EOGT: variants seen among roughly 807,000 people sequenced by gnomAD.
The protein encoded by EOGT is EGF domain specific O-linked N-acetylglucosamine transferase, also known as EGF domain-specific O-linked N-acetylglucosamine transferase.
A neutral mutation model predicts 70.5 loss-of-function variants in EOGT; 55 were observed. That is an observed-to-expected ratio of 0.78 (90% CI 0.63 to 0.98). The LOEUF (loss-of-function observed/expected upper bound fraction) is 0.98, where lower values mean the gene tolerates loss of function less well. Among genes scored for constraint, EOGT ranks in the 50% least tolerant of loss-of-function variants. EOGT has a pLI of 0.00. For synonymous variants in EOGT, 246 were observed against 217.1 expected, an observed-to-expected ratio of 1.13 and a Z score of -1.17; for missense variants, 703 against 641.9, an observed-to-expected ratio of 1.10 and a Z score of -1.03.
At chr3:69,009,363 C>A (rs540406565) in intron 4 of EOGT, among the ~76,000 whole-genome samples, 4 of 152,296 alleles carry the variant, frequency 2.6e-5, no homozygotes, top group African/African-American at 7.2e-5. Context: ...TTCTTTCCTG[C>A]ATAAAATCTA....
intron 7 of EOGT, 60 bp from the exon 8 acceptor site, chr3:69,004,542 G>C: frequency 9.0e-7 from 1 of 1,114,488 alleles, no homozygotes; most frequent in Non-Finnish European, 1.4e-6. Flanking sequence ...CCAAGCACGT[G>C]GGTTGTAACT....
chr3:68,982,724 G>A, intron 15 of EOGT, 87 bp downstream of exon 15: 1 of 884,730 alleles, frequency 1.1e-6, no homozygotes, highest in South Asian at 1.9e-5. Context: ...AAATGCCAAT[G>A]GCTCCCACTG....
rs1575756275 is a variant in EOGT at position 68,998,136 on chromosome 3, A to G, written c.728-22T>C. ...ACACCTAGTGTTGGAAAATGAAACTACATTAATTAACACCAAAGAGCACAT... is the reference window on the plus strand; with the variant it reads ...ACACCTAGTGTTGGAAAATGAAACTGCATTAATTAACACCAAAGAGCACAT... On this transcript the variant is annotated intron_variant, in intron 9 of 17. Coordinates refer to ENST00000383701, the MANE Select transcript of EOGT (RefSeq NM_001278689.2). 9 of 1,228,362 alleles carry G rather than the reference A, an allele frequency of 7.3e-6. No homozygotes were observed. The East Asian group carries it at 1.4e-4, about 19-fold the overall frequency. 76.1% of individuals were successfully genotyped at this position (1,228,362 alleles called of 1,614,324 possible). A position where few individuals can be genotyped will look rare whatever the true frequency, so the allele number is the denominator to read the frequency against.
chr3:69,005,317 C>T, intron 6 of EOGT, 83 bp from the exon 7 acceptor site: 3 of 698,058 alleles, frequency 4.3e-6, no homozygotes, highest in Non-Finnish European at 7.5e-6. Context: ...ACACTGACAG[C>T]ACGGATACCC....
chr3:69,007,946 T>C (rs866280240), intron 5 of EOGT, 125 bp from the exon 6 acceptor site: 4 of 621,794 alleles, frequency 6.4e-6, no homozygotes, highest in Non-Finnish European at 1.1e-5. Context: ...TATATTATCA[T>C]AGTTTTTCCA....
intron 13 of EOGT, chr3:68,987,964 G>C (rs1245275293): frequency 8.3e-6 from 3 of 361,360 alleles, no homozygotes; most frequent in Non-Finnish European, 1.5e-5. Flanking sequence ...GCCCAGGCGG[G>C]AGTGCAGTGA....
At chr3:68,996,525 G>A (rs867664353) in intron 10 of EOGT, among the ~76,000 whole-genome samples, 19 of 152,202 alleles carry the variant, frequency 1.2e-4, no homozygotes, top group African/African-American at 4.6e-4. Context: ...CTGACTCCTG[G>A]AACCAGGCAT....
At chr3:68,988,693 G>A (rs2090891063) in intron 11 of EOGT, 116 bp from the exon 12 acceptor site, 1 of 685,830 alleles carries the variant, frequency 1.5e-6, no homozygotes, top group Admixed American at 3.0e-5. Context: ...TGCTTGAATA[G>A]CACACTATTT....
At chr3:69,001,865 CT>C in intron 8 of EOGT, 151 bp from the exon 9 acceptor site, 1 of 612,958 alleles carries the variant, frequency 1.6e-6, no homozygotes, top group Non-Finnish European at 2.8e-6. Context: ...AACTTACTGA[CT>C]TTTATATAGG....
chr3:69,007,785 C>G lies in EOGT; in HGVS notation c.348G>C (p.Trp116Cys), dbSNP rs754446969. Residue 116 changes from tryptophan (W) to cysteine (C), a missense_variant, in exon 6 of 18, where the codon TGG becomes TGC. By Grantham distance (215) the Trp-to-Cys change is radical (BLOSUM62 -2). Coordinates refer to ENST00000383701, the MANE Select transcript of EOGT (RefSeq NM_001278689.2). ...TGGCATATCCAAAGTCAGCTTGTTT[C>G]CAAAATATGTCCTCAGCTGACTCAA... The part of the protein sequence containing the change: ...DTLESAEDIF[W>C]KQADFGYARE... 10 of 1,612,900 alleles carry G rather than the reference C, an allele frequency of 6.2e-6. No homozygotes were observed. The highest frequency in any genetic ancestry group is 8.5e-6 in the Non-Finnish European group (10 of 1,179,386).
At position 69,004,467 on chromosome 3, in the gene EOGT, AAAGTCCTCCTTAAATCTGGTATATAAC is replaced by A; in HGVS notation, c.516-12_530del. On this transcript the variant is annotated splice_acceptor_variant and splice_polypyrimidine_tract_variant and coding_sequence_variant and intron_variant, in exon 8 of 18. Transcript: ENST00000383701. LOFTEE classifies it high-confidence loss of function. ...GCCCTCCAATTTCACCACTCTGGAA[AAAGTCCTCCTTAAATCTGGTATATAAC>A]AAAACATTAAGTTAAGTTCAGAAAA... The A allele has an allele frequency of 6.2e-7, 1 of 1,613,536 alleles. No individual in the cohort carries two copies. The highest frequency in any genetic ancestry group is 8.5e-7 in the Non-Finnish European group (1 of 1,179,448).
chr3:69,004,265 C>T (rs773935633), intron 8 of EOGT, 113 bp downstream of exon 8: 7 of 780,678 alleles, frequency 9.0e-6, no homozygotes, highest in Non-Finnish European at 1.5e-5. Flanking sequence ...AAGCTCATGC[C>T]AAATTATGTA....
chr3:68,989,819 G>C (rs1448136699), intron 10 of EOGT, among the ~76,000 whole-genome samples: 4 of 150,372 alleles, frequency 2.7e-5, no homozygotes. Flanking sequence ...GCTCATGCTT[G>C]TAATTCCAGC....
rs369045920 is a variant in EOGT at position 68,977,609 on chromosome 3, T to A, written c.*9A>T. ...AAACACTCTCTTTTTGCAAACAGAC[T>A]CAGCATATTTATAGCTCATCATGTT... On this transcript the variant is annotated 3_prime_UTR_variant, in exon 18 of 18. Transcript: ENST00000383701. The A allele has an allele frequency of 1.9e-6, 3 of 1,613,462 alleles. No homozygotes were observed. The African/African-American group carries it at 4.0e-5, about 22-fold the overall frequency.
In EOGT at chr3:68,988,356, A is replaced by G; in HGVS notation, c.1022T>C (p.Leu341Pro). Residue 341 changes from leucine to proline, a missense_variant, in exon 13 of 18, where the codon CTA (leucine) becomes CCA (proline). Coordinates refer to ENST00000383701, the MANE Select transcript of EOGT (RefSeq NM_001278689.2). The stretch of plus-strand genomic sequence containing the variant: ...TACATGCTGGGCAAATGCCCTGAAT[A>G]GTCCAGTATTTTGACAGCCAGATAT... The part of the protein sequence containing the change: ...PLISGCQNTG[L>P]FRAFAQHVLH... 2 of 1,536,008 alleles carry G rather than the reference A, an allele frequency of 1.3e-6. No individual in the cohort carries two copies. The highest frequency in any genetic ancestry group is 1.7e-6 in the Non-Finnish European group (2 of 1,146,782).
rs757889169 is a variant in EOGT at position 68,987,501 on chromosome 3, G to A, written c.1096C>T (p.Arg366Ter). Residue 366 changes from arginine to a stop codon, truncating the protein, a stop_gained, in exon 14 of 18, where the codon CGA becomes TGA. Transcript: ENST00000383701. LOFTEE classifies it high-confidence loss of function. Reference protein sequence around the residue: ...TQEGPKDGKIRVTILARSTEY... With the variant: ...TQEGPKDGKI ...GTGCTCCGTGCAAGAATGGTGACTC[G>A]AATTTTTCCATCCTGTAATCAAAAT... The A allele has an allele frequency of 6.2e-6, 10 of 1,613,198 alleles. No homozygotes were observed. The highest frequency in any genetic ancestry group is 2.2e-5 in the East Asian group (1 of 44,876).
intron 14 of EOGT, among the ~76,000 whole-genome samples, chr3:68,984,063 T>C (rs996573018): frequency 2.6e-5 from 4 of 152,158 alleles, no homozygotes; most frequent in African/African-American, 9.7e-5. Context: ...TGAAATAACT[T>C]TCCCAGGATC....
At position 68,978,422 on chromosome 3, in the gene EOGT, C is replaced by G; in HGVS notation, c.1348G>C (p.Asp450His). 6.2e-7 allele frequency: 1 copy of G among 1,609,918 alleles called. No homozygotes were observed. The highest frequency in any genetic ancestry group is 8.5e-7 in the Non-Finnish European group (1 of 1,178,674). The change falls in exon 17 of 18, where the codon GAT becomes CAT. Residue 450 changes from aspartate to histidine, a missense_variant. Transcript: ENST00000383701. The part of the protein sequence containing the change: ...AAVFELYNCE[D>H]ERCYLDLARL... ...GCCAAGTCTAAGTAACAGCGTTCAT[C>G]TTCACAGTTGTACCTAAGGACACAA...
In EOGT at chr3:68,992,295, C is replaced by T. The variant is rs149284160; in HGVS notation, c.832-3278G>A. Among the ~76,000 whole-genome samples, 241 of 152,250 alleles carry T rather than the reference C, an allele frequency of 1.6e-3. 3 individuals are homozygous for T. Among genetic ancestry groups the T allele is most frequent in the African/African-American group, 5.6e-3 (234 of 41,550 alleles). On this transcript the variant is annotated intron_variant, in intron 10 of 17. Transcript: ENST00000383701. The stretch of plus-strand genomic sequence containing the variant: ...AAGCAAGCTAGTTCCTTCCTAGATA[C>T]GATGGGGATACACGTATTGGGTAAT...
Sources: gnomAD v4.1 joint callset for allele counts (sites outside exome capture counted in the v4.1 genomes callset) on GRCh38, gnomAD v4.1.1 for gene constraint, MANE v1.5 for transcripts, NCBI Gene and HGNC (gene_info 2026-07-23, HGNC 2026-07-21) for gene names.